Variants in IL1RAPL1 observed in about 807,000 individuals in gnomAD.
IL1RAPL1 encodes interleukin-1 receptor accessory protein-like 1.
Under a neutral mutation model 48.4 loss-of-function variants are expected in IL1RAPL1, and 3 were observed. The ratio of observed to expected loss-of-function variants is 0.06; its 90% CI spans 0.03 to 0.16. The LOEUF (loss-of-function observed/expected upper bound fraction) is 0.16. Ranked by LOEUF, IL1RAPL1 falls within the 10% of genes least tolerant of loss-of-function variation. The probability of loss-of-function intolerance (pLI) is 1.00; values close to 1 mark genes in which losing one functional copy is unlikely to be tolerated. For missense variants in IL1RAPL1, 349 were observed against 530.6 expected (o/e 0.66, Z 3.36); for synonymous variants, 185 against 187.7 (o/e 0.99, Z 0.12).
intron 2 of IL1RAPL1, among the ~76,000 whole-genome samples, chrX:29,110,150 C>T (rs1928532425): frequency 1.8e-5 from 2 of 111,713 alleles, no homozygotes; most frequent in Non-Finnish European, 3.8e-5. Flanking sequence ...AACATTGCTG[C>T]CTTTCTTTAT....
chrX:29,385,050 A>G (rs1933757148), intron 3 of IL1RAPL1, among the ~76,000 whole-genome samples: 1 of 112,064 alleles, frequency 8.9e-6, no homozygotes, highest in Non-Finnish European at 1.9e-5. Flanking sequence ...ATACCACACA[A>G]TTGACCCTTT....
intron 6 of IL1RAPL1, among the ~76,000 whole-genome samples, chrX:29,828,437 G>A (rs1260166651): frequency 4.5e-5 from 5 of 111,535 alleles, no homozygotes; most frequent in Non-Finnish European, 9.4e-5. Flanking sequence ...AAGGACTAAG[G>A]TAGAGATGGT....
At chrX:29,157,704 T>TACTC (rs1555969745) in intron 2 of IL1RAPL1, among the ~76,000 whole-genome samples, 2 of 108,956 alleles carry the variant, frequency 1.8e-5, no homozygotes, top group Non-Finnish European at 3.8e-5. Flanking sequence ...GCAAATTAGT[T>TACTC]TACTCAGCCT....
intron 2 of IL1RAPL1, among the ~76,000 whole-genome samples, chrX:29,260,620 G>C (rs1343087968): frequency 3.6e-5 from 4 of 111,784 alleles, no homozygotes; most frequent in African/African-American, 9.7e-5. Context: ...TGGGGACACA[G>C]TCAAACCACA....
chrX:29,333,992 C>A, intron 3 of IL1RAPL1, among the ~76,000 whole-genome samples: 1 of 96,371 alleles, frequency 1.0e-5, no homozygotes, highest in South Asian at 4.3e-4. Flanking sequence ...CCCCACCTCC[C>A]TCCCGGACGG....
At chrX:29,626,033 T>C (rs1289415265) in intron 5 of IL1RAPL1, among the ~76,000 whole-genome samples, 1 of 112,150 alleles carries the variant, frequency 8.9e-6, no homozygotes, top group African/African-American at 3.2e-5. Flanking sequence ...AAGGGCATAA[T>C]TAGAAAATCA....
chrX:29,561,721 T>C (rs1476486315), intron 5 of IL1RAPL1, among the ~76,000 whole-genome samples: 2 of 111,543 alleles, frequency 1.8e-5, no homozygotes, highest in African/African-American at 6.5e-5. Flanking sequence ...TCGTGGATCA[T>C]TTTTTTCTCC....
chrX:28,715,581 A>G (rs1407256279), intron 1 of IL1RAPL1, among the ~76,000 whole-genome samples: 1 of 111,904 alleles, frequency 8.9e-6, no homozygotes, highest in Non-Finnish European at 1.9e-5. Flanking sequence ...GAAAATCTAG[A>G]AGAAAGGGAT....
intron 3 of IL1RAPL1, among the ~76,000 whole-genome samples, chrX:29,310,011 G>A (rs1392503599): frequency 2.0e-5 from 2 of 99,947 alleles, no homozygotes; most frequent in East Asian, 3.3e-4. Flanking sequence ...GGAGAATGGC[G>A]TGAAACCGGG....
chrX:29,293,282 T>C (rs1374338244), intron 3 of IL1RAPL1, among the ~76,000 whole-genome samples: 2 of 94,611 alleles, frequency 2.1e-5, no homozygotes, highest in Non-Finnish European at 4.2e-5. Flanking sequence ...AAACAGCCTA[T>C]TTTTTTTTTT....
intron 1 of IL1RAPL1, among the ~76,000 whole-genome samples, chrX:28,602,544 G>A (rs1009095003): frequency 3.6e-5 from 4 of 112,064 alleles, no homozygotes; most frequent in Admixed American, 9.5e-5. Flanking sequence ...TGCATCAGAC[G>A]CTATTTAAAC....
chrX:28,915,767 T>C (rs1290260606), intron 2 of IL1RAPL1, among the ~76,000 whole-genome samples: 2 of 111,369 alleles, frequency 1.8e-5, no homozygotes, highest in African/African-American at 6.5e-5. Flanking sequence ...AATGAGACAA[T>C]AGGTGATGAA....
At chrX:28,947,081 A>G (rs1924324096) in intron 2 of IL1RAPL1, among the ~76,000 whole-genome samples, 1 of 111,606 alleles carries the variant, frequency 9.0e-6, no homozygotes, top group African/African-American at 3.3e-5. Context: ...TCTTTTGACC[A>G]TGCAATGTTG....
chrX:29,382,055 T>C (rs748798223), intron 3 of IL1RAPL1, among the ~76,000 whole-genome samples: 1 of 109,352 alleles, frequency 9.1e-6, no homozygotes, highest in South Asian at 4.0e-4. Flanking sequence ...AATTTACAGT[T>C]GTATTTAATA....
At position 29,821,545 on chromosome X, in the gene IL1RAPL1, T is replaced by C. The variant is rs765492327; in HGVS notation, c.779-95919T>C. ...TCCTTACTGAAAACTTTGTTTTATT[T>C]TCTTCAGGTCACTTACAAGAAACCA... On this transcript the variant is annotated intron_variant, in intron 6 of 10. Transcript: ENST00000378993. Among the ~76,000 whole-genome samples the C allele has an allele frequency of 1.3e-4, 15 of 112,612 alleles. No homozygotes were observed. The Admixed American group carries it at 1.4e-3, about 11-fold the overall frequency.
intron 5 of IL1RAPL1, among the ~76,000 whole-genome samples, chrX:29,421,463 C>G (rs906243228): frequency 9.1e-6 from 1 of 110,265 alleles, no homozygotes; most frequent in Non-Finnish European, 1.9e-5. Flanking sequence ...CTCCAAGAAC[C>G]CCTTTCTCCT....
intron 6 of IL1RAPL1, among the ~76,000 whole-genome samples, chrX:29,684,542 T>TC (rs35170212): frequency 0.41 from 45,395 of 110,291 alleles, 6,822 homozygotes; most frequent in South Asian, 0.52. Flanking sequence ...TTTTTGTTTT[T>TC]CTATTCAGTT....
chrX:29,874,870 A>T (rs888267787), intron 6 of IL1RAPL1, among the ~76,000 whole-genome samples: 1 of 112,414 alleles, frequency 8.9e-6, no homozygotes, highest in African/African-American at 3.2e-5. Flanking sequence ...AAAAAATTTC[A>T]TCTTAGCACA....
At chrX:29,175,155 C>T (rs1929989859) in intron 2 of IL1RAPL1, among the ~76,000 whole-genome samples, 1 of 110,248 alleles carries the variant, frequency 9.1e-6, no homozygotes, top group South Asian at 3.8e-4. Flanking sequence ...AAGTAAAAAC[C>T]TCACGCTCAA....
Sources: allele counts gnomAD v4.1 joint callset (sites outside exome capture counted in the v4.1 genomes callset), GRCh38; gene constraint gnomAD v4.1.1; transcripts MANE v1.5; gene names NCBI Gene and HGNC (gene_info 2026-07-23, HGNC 2026-07-21).